Variants in ARMH3 observed in about 807,000 individuals in gnomAD.
ARMH3 encodes armadillo like helical domain containing 3.
Under a neutral mutation model 99.1 loss-of-function variants are expected in ARMH3, and 60 were observed. The ratio of observed to expected loss-of-function variants is 0.61; its 90% CI spans 0.49 to 0.75. The LOEUF is 0.75. ARMH3 is among the 30% of genes least tolerant of loss of function. ARMH3 has a pLI of 0.00. For missense variants in ARMH3, 679 were observed against 843.1 expected (o/e 0.81, Z 2.41); for synonymous variants, 285 against 292.8 (o/e 0.97, Z 0.27).
intron 11 of ARMH3, 58 bp from the exon 12 acceptor site, chr10:102,010,081 T>G: frequency 6.5e-7 from 1 of 1,528,256 alleles, no homozygotes; most frequent in Non-Finnish European, 9.0e-7. Context: ...AGGAGCTTTA[T>G]GCCTAGGAAG....
At chr10:102,047,969 G>C (rs1318869540) in intron 1 of ARMH3, among the ~76,000 whole-genome samples, 1 of 152,098 alleles carries the variant, frequency 6.6e-6, no homozygotes, top group African/African-American at 2.4e-5. Context: ...CAATACTCGA[G>C]GCAGCCTCCC....
At chr10:101,863,563 A>T (rs1300267228) in intron 24 of ARMH3, among the ~76,000 whole-genome samples, 1 of 152,202 alleles carries the variant, frequency 6.6e-6, no homozygotes, top group African/African-American at 2.4e-5. Context: ...ATATACATAT[A>T]TATTAGAAAG....
At chr10:101,877,369 A>C (rs903701949) in intron 24 of ARMH3, among the ~76,000 whole-genome samples, 3 of 152,178 alleles carry the variant, frequency 2.0e-5, no homozygotes, top group Non-Finnish European at 4.4e-5. Context: ...TCTCAAAAAA[A>C]AATTTTTTTA....
Position 101,991,975 on chromosome 10 carries a change from C to G in ARMH3, c.1339G>C (p.Val447Leu), listed in dbSNP as rs746967025. 14 of 1,613,532 alleles carry G rather than the reference C, an allele frequency of 8.7e-6. No individual in the cohort carries two copies. The highest frequency in any genetic ancestry group is 1.2e-5 in the Non-Finnish European group (14 of 1,179,542). Reference sequence around the variant, plus strand: ...GTTGATGATACTCACTCACCCAGTACTGCACATACTAAAGGACGGCAGGGA... The same window carrying G: ...GTTGATGATACTCACTCACCCAGTAGTGCACATACTAAAGGACGGCAGGGA... ...NLPCRPLVCA[V>L]LDLMVEFIVT... Residue 447 changes from valine to leucine, a missense_variant, in exon 18 of 26, where the codon GTA (valine) becomes CTA (leucine). Val to Leu is a conservative substitution (Grantham distance 32, BLOSUM62 1). Around this residue, in one of 3 missense-constraint regions of ARMH3, gnomAD observed 389 missense variants for 456.5 expected, o/e 0.85. Coordinates refer to ENST00000370033, the MANE Select transcript of ARMH3 (RefSeq NM_024541.3).
At chr10:101,851,632 T>C (rs1448472990) in intron 24 of ARMH3, among the ~76,000 whole-genome samples, 1 of 152,172 alleles carries the variant, frequency 6.6e-6, no homozygotes, top group East Asian at 1.9e-4. Context: ...CAGACTTCAC[T>C]TGGTAGCAAA....
chr10:102,012,809 T>A (rs1247971462), intron 10 of ARMH3, 24 bp downstream of exon 10: 1 of 1,597,748 alleles, frequency 6.3e-7, no homozygotes, highest in East Asian at 2.2e-5. Context: ...CAGACCCCCT[T>A]CCATTCTGGA....
At chr10:102,014,597 T>C (rs868859539) in intron 8 of ARMH3, among the ~76,000 whole-genome samples, 4 of 152,176 alleles carry the variant, frequency 2.6e-5, no homozygotes, top group Admixed American at 6.5e-5. Context: ...AGGTCATTTA[T>C]GGAGATCTGA....
chr10:101,860,990 A>T (rs768803860), intron 24 of ARMH3, among the ~76,000 whole-genome samples: 4 of 152,226 alleles, frequency 2.6e-5, no homozygotes, highest in Non-Finnish European at 4.4e-5. Context: ...AGCCAGACAT[A>T]TCAAGAAGCA....
intron 11 of ARMH3, among the ~76,000 whole-genome samples, chr10:102,011,416 T>G (rs2066625960): frequency 6.6e-6 from 1 of 152,056 alleles, no homozygotes. Context: ...TTCTTTAGCC[T>G]TTAAAAAATT....
intron 24 of ARMH3, among the ~76,000 whole-genome samples, chr10:101,880,441 C>T (rs574659545): frequency 7.9e-5 from 12 of 152,298 alleles, no homozygotes; most frequent in Non-Finnish European, 1.3e-4. Flanking sequence ...CAGAAAACCC[C>T]GCCACACAGC....
intron 23 of ARMH3, among the ~76,000 whole-genome samples, chr10:101,921,900 ATACGTTCTAAT>A (rs1170512042): frequency 6.6e-6 from 1 of 152,204 alleles, no homozygotes; most frequent in Non-Finnish European, 1.5e-5. Flanking sequence ...GATAGAAGGA[ATACGTTCTAAT>A]GTTCAATAGC....
chr10:102,037,262 A>T (rs2067300260), intron 2 of ARMH3, among the ~76,000 whole-genome samples: 1 of 148,770 alleles, frequency 6.7e-6, no homozygotes, highest in Non-Finnish European at 1.5e-5. Flanking sequence ...GCTCACTGCA[A>T]CCTCTGCCTC....
At chr10:102,052,449 C>A (rs569704784) in intron 1 of ARMH3, among the ~76,000 whole-genome samples, 2 of 152,272 alleles carry the variant, frequency 1.3e-5, no homozygotes, top group African/African-American at 4.8e-5. Flanking sequence ...ATCTTGAACT[C>A]TTGAGCTCAA....
intron 23 of ARMH3, among the ~76,000 whole-genome samples, chr10:101,926,054 G>T (rs987341651): frequency 2.6e-5 from 4 of 152,194 alleles, no homozygotes; most frequent in Non-Finnish European, 5.9e-5. Flanking sequence ...GACATAGATG[G>T]CCTCTTAGGT....
chr10:101,864,060 C>CAAAAA (rs71485765), intron 24 of ARMH3, among the ~76,000 whole-genome samples: 1 of 105,680 alleles, frequency 9.5e-6, no homozygotes, highest in Non-Finnish European at 1.8e-5. Flanking sequence ...GACTCCATCT[C>CAAAAA]AAAAAAAAAA....
intron 19 of ARMH3, among the ~76,000 whole-genome samples, chr10:101,977,080 T>G (rs1283353706): frequency 6.6e-6 from 1 of 152,218 alleles, no homozygotes. Flanking sequence ...CTAACCACCT[T>G]TCAAGTGCTC....
chr10:101,985,888 G>A (rs1425383763), intron 19 of ARMH3, among the ~76,000 whole-genome samples: 1 of 151,724 alleles, frequency 6.6e-6, no homozygotes, highest in African/African-American at 2.4e-5. Context: ...TGTGGTGGTG[G>A]GCACCTGTAA....
intron 19 of ARMH3, among the ~76,000 whole-genome samples, chr10:101,980,656 A>G (rs1408931496): frequency 6.6e-6 from 1 of 152,044 alleles, no homozygotes; most frequent in African/African-American, 2.4e-5. Flanking sequence ...CCAAGACCCT[A>G]CTGACTTTAG....
intron 14 of ARMH3, among the ~76,000 whole-genome samples, chr10:102,002,718 T>C (rs2066390756): frequency 1.3e-5 from 2 of 151,964 alleles, no homozygotes; most frequent in African/African-American, 4.8e-5. Context: ...CCCAGCACTT[T>C]GGGAGCCCGA....
Sources: gnomAD v4.1 joint callset for allele counts (sites outside exome capture counted in the v4.1 genomes callset) on GRCh38, gnomAD v4.1.1 for gene constraint, gnomAD v4.1.1 regional missense constraint, MANE v1.5 for transcripts, NCBI Gene and HGNC (gene_info 2026-07-23, HGNC 2026-07-21) for gene names.